Variants in RIGI observed in about 807,000 individuals in gnomAD.
The protein encoded by RIGI is antiviral innate immune response receptor RIG-I.
At chr9:32,504,415 C>T in the RIGI span, among the ~76,000 whole-genome samples, 1 of 152,070 alleles carries the variant, frequency 6.6e-6, no homozygotes, top group African/African-American at 2.4e-5. Context: ...CAGTGGCTCA[C>T]GCCTGTAATC....
At chr9:32,526,151 G>A in the RIGI span, 7 of 1,612,898 alleles carry the variant, frequency 4.3e-6, no homozygotes, top group Non-Finnish European at 5.1e-6. Context: ...AGGCTGCGTC[G>A]CTGCTCGGTG....
the RIGI span, among the ~76,000 whole-genome samples, chr9:32,486,622 G>GAA: frequency 7.5e-6 from 1 of 133,526 alleles, no homozygotes; most frequent in Non-Finnish European, 1.6e-5. Flanking sequence ...CAAAGAAAAA[G>GAA]AAAAAAAAAA....
the RIGI span, chr9:32,457,181 T>C: frequency 1.2e-6 from 2 of 1,614,010 alleles, no homozygotes; most frequent in Non-Finnish European, 1.7e-6. Context: ...TCCTTCCACT[T>C]CGAGTACAGT....
chr9:32,485,510 T>C, the RIGI span: 1 of 606,294 alleles, frequency 1.6e-6, no homozygotes, highest in Non-Finnish European at 3.0e-6. Flanking sequence ...CTGTCTTTCA[T>C]GGTGTAGGTC....
chr9:32,503,775 C>T, the RIGI span, among the ~76,000 whole-genome samples: 1 of 152,170 alleles, frequency 6.6e-6, no homozygotes, highest in African/African-American at 2.4e-5. Context: ...GGCACAGTGG[C>T]TCACACCTCT....
chr9:32,485,505 T>C, the RIGI span: 1 of 632,394 alleles, frequency 1.6e-6, no homozygotes, highest in Admixed American at 2.5e-5. Context: ...AACACCTGTC[T>C]TTCATGGTGT....
chr9:32,490,165 G>C, the RIGI span, among the ~76,000 whole-genome samples: 1 of 152,114 alleles, frequency 6.6e-6, no homozygotes, highest in African/African-American at 2.4e-5. Context: ...CTTGAGGTCA[G>C]GAGTTCAAGA....
At chr9:32,522,526 T>G in the RIGI span, among the ~76,000 whole-genome samples, 1 of 152,214 alleles carries the variant, frequency 6.6e-6, no homozygotes, top group Non-Finnish European at 1.5e-5. Flanking sequence ...AGAGCCCATA[T>G]GGACAATAAT....
the RIGI span, among the ~76,000 whole-genome samples, chr9:32,463,513 A>C: frequency 6.6e-6 from 1 of 152,270 alleles, no homozygotes; most frequent in African/African-American, 2.4e-5. Flanking sequence ...AATGGTATTC[A>C]ATTATATACT....
chr9:32,481,412 CA>C, the RIGI span: 3 of 1,613,336 alleles, frequency 1.9e-6, no homozygotes, highest in Non-Finnish European at 2.5e-6. Flanking sequence ...GCATCTGGAA[CA>C]CCATGCATGC....
At chr9:32,469,545 C>CCGAACTG in the RIGI span, among the ~76,000 whole-genome samples, 2 of 152,178 alleles carry the variant, frequency 1.3e-5, no homozygotes, top group South Asian at 4.1e-4. Context: ...GAGTGCACTT[C>CCGAACTG]CGAACTGCGG....
At chr9:32,517,732 A>C in the RIGI span, among the ~76,000 whole-genome samples, 19 of 152,228 alleles carry the variant, frequency 1.2e-4, no homozygotes, top group African/African-American at 4.3e-4. Flanking sequence ...AAACAGCTGA[A>C]TCTTCTGAGT....
chr9:32,475,966 A>G, the RIGI span, among the ~76,000 whole-genome samples: 1 of 151,988 alleles, frequency 6.6e-6, no homozygotes, highest in African/African-American at 2.4e-5. Context: ...ATTCTCAAAA[A>G]CTCAATCAGA....
the RIGI span, among the ~76,000 whole-genome samples, chr9:32,502,822 AC>A: frequency 6.6e-6 from 1 of 152,138 alleles, no homozygotes; most frequent in Non-Finnish European, 1.5e-5. Context: ...ATGTTTTCAC[AC>A]AGCATTCTCG....
At chr9:32,471,742 C>G in the RIGI span, among the ~76,000 whole-genome samples, 16 of 152,246 alleles carry the variant, frequency 1.1e-4, no homozygotes, top group African/African-American at 3.4e-4. Context: ...TGAGTGTCTA[C>G]TTGTGGAGGA....
chr9:32,457,245 T>G, the RIGI span: 5 of 1,614,158 alleles, frequency 3.1e-6, no homozygotes, highest in Non-Finnish European at 4.2e-6. Flanking sequence ...TTTTTATAAC[T>G]GGAATCTCAA....
the RIGI span, among the ~76,000 whole-genome samples, chr9:32,522,662 T>C: frequency 2.6e-5 from 4 of 152,208 alleles, no homozygotes; most frequent in African/African-American, 9.7e-5. Flanking sequence ...ACAGATTGTG[T>C]CTCAGAAGAA....
the RIGI span, among the ~76,000 whole-genome samples, chr9:32,467,294 C>G: frequency 1.3e-5 from 2 of 152,076 alleles, no homozygotes; most frequent in African/African-American, 2.4e-5. Context: ...GGAAGTGACA[C>G]GATCGAGCTG....
chr9:32,508,190 T>A, the RIGI span, among the ~76,000 whole-genome samples: 1 of 145,694 alleles, frequency 6.9e-6, no homozygotes, highest in Non-Finnish European at 1.5e-5. Context: ...TAATTTTCCC[T>A]AGCTCCTAAC....
Sources: allele counts gnomAD v4.1 joint callset (sites outside exome capture counted in the v4.1 genomes callset), GRCh38; gene constraint gnomAD v4.1.1; transcripts MANE v1.5; gene names NCBI Gene and HGNC (gene_info 2026-07-23, HGNC 2026-07-21).